LOC400499: variants seen among roughly 807,000 people sequenced by gnomAD.
At chr16:11,405,805 T>A in the LOC400499 span, among the ~76,000 whole-genome samples, 1 of 152,196 alleles carries the variant, frequency 6.6e-6, no homozygotes, top group Non-Finnish European at 1.5e-5. Context: ...ATCATTTATT[T>A]GATCATGGCT....
chr16:11,441,288 G>C, the LOC400499 span, among the ~76,000 whole-genome samples: 1 of 152,230 alleles, frequency 6.6e-6, no homozygotes, highest in African/African-American at 2.4e-5. Context: ...GATTAGCAGG[G>C]TGGGCTTGAT....
the LOC400499 span, among the ~76,000 whole-genome samples, chr16:11,431,636 C>T: frequency 6.6e-6 from 1 of 152,172 alleles, no homozygotes; most frequent in Non-Finnish European, 1.5e-5. Context: ...GAACTCCTGA[C>T]CTCAGGTGAT....
chr16:11,513,296 C>A, the LOC400499 span, among the ~76,000 whole-genome samples: 2 of 151,316 alleles, frequency 1.3e-5, no homozygotes, highest in Non-Finnish European at 2.9e-5. Context: ...TCCCAGTTAC[C>A]TGGCGGGCTG....
chr16:11,376,155 T>C, the LOC400499 span, among the ~76,000 whole-genome samples: 9 of 152,362 alleles, frequency 5.9e-5, no homozygotes, highest in South Asian at 1.9e-3. Context: ...TCCCATTCTG[T>C]AGGACGCCTT....
chr16:11,489,384 G>T, the LOC400499 span, among the ~76,000 whole-genome samples: 1 of 152,312 alleles, frequency 6.6e-6, no homozygotes, highest in Non-Finnish European at 1.5e-5. Context: ...TCAGTTAAAA[G>T]CAGAGCCTGG....
the LOC400499 span, among the ~76,000 whole-genome samples, chr16:11,475,179 G>T: frequency 6.6e-6 from 1 of 152,090 alleles, no homozygotes; most frequent in African/African-American, 2.4e-5. Flanking sequence ...TTAAACAAAG[G>T]GAGGGAGAGC....
At chr16:11,414,917 C>G in the LOC400499 span, among the ~76,000 whole-genome samples, 1 of 152,306 alleles carries the variant, frequency 6.6e-6, no homozygotes, top group Admixed American at 6.5e-5. Context: ...GTTCCTGCTC[C>G]CCAAACTCTC....
chr16:11,471,512 C>A, the LOC400499 span: 1 of 397,938 alleles, frequency 2.5e-6, no homozygotes, highest in Non-Finnish European at 4.4e-6. Context: ...CATGTGCAAA[C>A]GTCCAGAAGA....
chr16:11,419,872 T>C, the LOC400499 span, among the ~76,000 whole-genome samples: 3 of 151,180 alleles, frequency 2.0e-5, no homozygotes, highest in Non-Finnish European at 4.4e-5. Context: ...ATCAGAGAAA[T>C]GCAAATCAAA....
At chr16:11,476,998 T>C in the LOC400499 span, 31 of 399,750 alleles carry the variant, frequency 7.8e-5, no homozygotes, top group Non-Finnish European at 1.3e-4. Flanking sequence ...GGGCCACAGA[T>C]CCCACCTGCG....
chr16:11,387,372 G>C, the LOC400499 span: 8 of 1,158,378 alleles, frequency 6.9e-6, 1 homozygote, highest in East Asian at 6.4e-5. Flanking sequence ...GAGCTTCTAG[G>C]TCTGCAGGAA....
chr16:11,431,352 A>G, the LOC400499 span: 1 of 397,810 alleles, frequency 2.5e-6, no homozygotes, highest in African/African-American at 2.1e-5. Flanking sequence ...CTCTCTGGGC[A>G]TCAGTTTCTC....
At chr16:11,460,868 T>A in the LOC400499 span, 1 of 1,401,742 alleles carries the variant, frequency 7.1e-7, no homozygotes, top group Middle Eastern at 2.5e-4. Context: ...AACCCCGTGG[T>A]GACAGCGTAT....
the LOC400499 span, among the ~76,000 whole-genome samples, chr16:11,395,315 C>A: frequency 1.3e-5 from 2 of 152,202 alleles, no homozygotes; most frequent in Non-Finnish European, 2.9e-5. Context: ...ACTCCACAGA[C>A]CCCAGAATGG....
At chr16:11,506,610 C>T in the LOC400499 span, among the ~76,000 whole-genome samples, 1 of 152,166 alleles carries the variant, frequency 6.6e-6, no homozygotes, top group Non-Finnish European at 1.5e-5. Context: ...AACCCCACTG[C>T]ACCCTTGCTT....
chr16:11,423,336 T>C, the LOC400499 span: 1 of 398,882 alleles, frequency 2.5e-6, no homozygotes, highest in African/African-American at 2.1e-5. Flanking sequence ...AAGATCCCAC[T>C]TGACCCCGCC....
the LOC400499 span, chr16:11,391,652 C>G: frequency 1.6e-6 from 2 of 1,231,828 alleles, no homozygotes; most frequent in Admixed American, 8.4e-5. Context: ...GAGCCCTCCC[C>G]CTCCCACACT....
chr16:11,446,978 C>T, the LOC400499 span: 1 of 1,476,028 alleles, frequency 6.8e-7, no homozygotes, highest in Non-Finnish European at 9.0e-7. Flanking sequence ...GACAATTGTG[C>T]CCCACGGTCT....
At chr16:11,437,772 G>C in the LOC400499 span, among the ~76,000 whole-genome samples, 1 of 152,132 alleles carries the variant, frequency 6.6e-6, no homozygotes, top group Non-Finnish European at 1.5e-5. Flanking sequence ...GGGAGGCGGA[G>C]GCACAAGAAT....
Sources: gnomAD v4.1 joint callset for allele counts (sites outside exome capture counted in the v4.1 genomes callset) on GRCh38, gnomAD v4.1.1 for gene constraint, MANE v1.5 for transcripts.